ZNF804B: variants seen among roughly 807,000 people sequenced by gnomAD.
The protein encoded by ZNF804B is zinc finger protein 804B.
Under a neutral mutation model 101.4 loss-of-function variants are expected in ZNF804B, and 80 were observed. That is an observed-to-expected ratio of 0.79 (90% confidence interval 0.66 to 0.95). ZNF804B has a LOEUF of 0.95. ZNF804B is among the 40% of genes least tolerant of loss of function. The pLI is 0.00. For missense variants in ZNF804B, 1,673 were observed against 1,561.9 expected (o/e 1.07, Z -1.20); for synonymous variants, 622 against 558.8 (o/e 1.11, Z -1.59).
intron 1 of ZNF804B, among the ~76,000 whole-genome samples, chr7:89,217,548 G>A (rs1788916566): frequency 6.6e-6 from 1 of 152,150 alleles, no homozygotes; most frequent in South Asian, 2.1e-4. Context: ...ATCAAAAGAG[G>A]ATTTTAAGCA....
At chr7:88,942,373 T>C (rs140682176) in intron 1 of ZNF804B, among the ~76,000 whole-genome samples, 7 of 152,114 alleles carry the variant, frequency 4.6e-5, no homozygotes, top group African/African-American at 1.4e-4. Flanking sequence ...TAAGAACATT[T>C]AAGTTTCCTT....
At chr7:89,173,032 T>C (rs564840294) in intron 1 of ZNF804B, among the ~76,000 whole-genome samples, 1 of 152,116 alleles carries the variant, frequency 6.6e-6, no homozygotes, top group Non-Finnish European at 1.5e-5. Flanking sequence ...ATGATTACAA[T>C]TTGAGGCTGC....
intron 2 of ZNF804B, among the ~76,000 whole-genome samples, chr7:89,300,012 C>T (rs1790450399): frequency 6.6e-6 from 1 of 151,674 alleles, no homozygotes; most frequent in African/African-American, 2.4e-5. Context: ...CCCCAGCTAG[C>T]TCCATGTTGC....
At chr7:89,228,123 C>T (rs370198420) in intron 2 of ZNF804B, among the ~76,000 whole-genome samples, 3 of 152,076 alleles carry the variant, frequency 2.0e-5, no homozygotes, top group Admixed American at 6.5e-5. Context: ...TTCTGATGTT[C>T]GGATGTGTTT....
chr7:89,135,770 C>T (rs1290002769), intron 1 of ZNF804B, among the ~76,000 whole-genome samples: 2 of 152,032 alleles, frequency 1.3e-5, no homozygotes, highest in Admixed American at 6.6e-5. Context: ...CTCTTGTCTA[C>T]TTTAGGCATC....
chr7:88,939,499 A>G (rs1168271272), intron 1 of ZNF804B, among the ~76,000 whole-genome samples: 1 of 151,926 alleles, frequency 6.6e-6, no homozygotes, highest in Non-Finnish European at 1.5e-5. Flanking sequence ...TCAAAAGAGG[A>G]ATAAAGAAAC....
chr7:88,844,076 T>C (rs1791332364), intron 1 of ZNF804B, among the ~76,000 whole-genome samples: 1 of 152,168 alleles, frequency 6.6e-6, no homozygotes, highest in Non-Finnish European at 1.5e-5. Context: ...AATGTTAATA[T>C]TTTGCAAATT....
intron 2 of ZNF804B, among the ~76,000 whole-genome samples, chr7:89,316,533 A>C (rs369899981): frequency 1.8e-4 from 27 of 152,180 alleles, no homozygotes; most frequent in African/African-American, 5.3e-4. Flanking sequence ...CAAACGCAGA[A>C]AAAGGAAGGG....
chr7:89,113,117 A>G (rs1030835621), intron 1 of ZNF804B, among the ~76,000 whole-genome samples: 7 of 152,352 alleles, frequency 4.6e-5, no homozygotes, highest in African/African-American at 1.7e-4. Flanking sequence ...GTTGCCCTGG[A>G]AGGAACTATA....
At chr7:89,308,362 G>A (rs922130841) in intron 2 of ZNF804B, among the ~76,000 whole-genome samples, 2 of 152,044 alleles carry the variant, frequency 1.3e-5, no homozygotes, top group Non-Finnish European at 2.9e-5. Flanking sequence ...TATTCAGTGA[G>A]AATATTCAGG....
intron 2 of ZNF804B, among the ~76,000 whole-genome samples, chr7:89,317,237 G>A (rs539005647): frequency 1.1e-3 from 169 of 152,298 alleles, no homozygotes; most frequent in Non-Finnish European, 1.9e-3. Flanking sequence ...GAAGACAAAG[G>A]TTTTCTCCTG....
chr7:89,325,338 T>G (rs1790881646), intron 2 of ZNF804B, among the ~76,000 whole-genome samples: 1 of 152,054 alleles, frequency 6.6e-6, no homozygotes, highest in African/African-American at 2.4e-5. Context: ...ACAATTAATC[T>G]TTTAACTATT....
At chr7:88,813,041 G>T (rs985546049) in intron 1 of ZNF804B, among the ~76,000 whole-genome samples, 9 of 151,302 alleles carry the variant, frequency 5.9e-5, no homozygotes, top group African/African-American at 2.2e-4. Flanking sequence ...TATGTTAGGT[G>T]GTTTTTACCA....
chr7:89,183,463 A>G (rs544463247), intron 1 of ZNF804B, among the ~76,000 whole-genome samples: 3 of 152,268 alleles, frequency 2.0e-5, no homozygotes, highest in Non-Finnish European at 4.4e-5. Flanking sequence ...AAAAGTAAGG[A>G]TAAATACTGA....
At chr7:88,859,076 C>A (rs1410621183) in intron 1 of ZNF804B, among the ~76,000 whole-genome samples, 1 of 151,806 alleles carries the variant, frequency 6.6e-6, no homozygotes, top group Non-Finnish European at 1.5e-5. Context: ...ATCATTGGAC[C>A]TCTGTCTAAT....
chr7:88,760,157 A>G (rs924517261), intron 1 of ZNF804B, 73 bp downstream of exon 1: 2 of 1,256,992 alleles, frequency 1.6e-6, no homozygotes, highest in Admixed American at 1.7e-5. Context: ...ATTGAGAGAT[A>G]GTATCCTGAT....
intron 1 of ZNF804B, among the ~76,000 whole-genome samples, chr7:88,877,008 ATATATAT>A (rs1389421974): frequency 6.5e-4 from 46 of 71,176 alleles, no homozygotes; most frequent in East Asian, 9.1e-4. Context: ...GAAAAAAAAA[ATATATAT>A]ATATATATAT....
intron 1 of ZNF804B, among the ~76,000 whole-genome samples, chr7:89,205,392 CT>C (rs1259527069): frequency 1.3e-5 from 2 of 152,206 alleles, no homozygotes; most frequent in African/African-American, 4.8e-5. Flanking sequence ...AAAGTCTCAT[CT>C]GAGAAAAGGC....
At chr7:89,006,772 C>T (rs1788373701) in intron 1 of ZNF804B, among the ~76,000 whole-genome samples, 1 of 152,104 alleles carries the variant, frequency 6.6e-6, no homozygotes, top group African/African-American at 2.4e-5. Context: ...GAGGCTTCTC[C>T]AGACTATTCA....
Sources: allele counts gnomAD v4.1 joint callset (sites outside exome capture counted in the v4.1 genomes callset), GRCh38; gene constraint gnomAD v4.1.1; transcripts MANE v1.5; gene names NCBI Gene and HGNC (gene_info 2026-07-23, HGNC 2026-07-21).